ATP13A4: variants seen among roughly 807,000 people sequenced by gnomAD.
ATP13A4 encodes the protein probable cation-transporting ATPase 13A4.
A neutral mutation model predicts 142.5 loss-of-function variants in ATP13A4; 114 were observed. That is an observed-to-expected ratio of 0.80 (90% confidence interval 0.69 to 0.93). ATP13A4 has a LOEUF of 0.93. Ranked by LOEUF, ATP13A4 falls within the 40% of genes least tolerant of loss-of-function variation. ATP13A4 has a pLI of 0.00. For missense variants in ATP13A4, 1,392 were observed against 1,454.0 expected (o/e 0.96, Z 0.69); for synonymous variants, 488 against 514.8 (o/e 0.95, Z 0.70).
chr3:193,499,850 A>G (rs988729728), intron 3 of ATP13A4, among the ~76,000 whole-genome samples: 1 of 152,230 alleles, frequency 6.6e-6, no homozygotes, highest in Non-Finnish European at 1.5e-5. Context: ...AATAGACATG[A>G]AACATCTGTA....
At chr3:193,479,662 G>A (rs1363701798) in intron 8 of ATP13A4, among the ~76,000 whole-genome samples, 1 of 152,102 alleles carries the variant, frequency 6.6e-6, no homozygotes, top group Non-Finnish European at 1.5e-5. Flanking sequence ...TGGATGGGTA[G>A]AATCAATATT....
intron 3 of ATP13A4, 67 bp downstream of exon 3, chr3:193,502,426 A>T: frequency 6.5e-7 from 1 of 1,545,426 alleles, no homozygotes; most frequent in Non-Finnish European, 8.9e-7. Flanking sequence ...AGCTACATTT[A>T]ACTATATACT....
intron 1 of ATP13A4, among the ~76,000 whole-genome samples, chr3:193,532,630 G>A (rs961036525): frequency 6.6e-6 from 1 of 151,828 alleles, no homozygotes; most frequent in South Asian, 2.1e-4. Context: ...CTGGAAAGCA[G>A]TTCTGCCCAT....
At chr3:193,415,237 A>G (rs533666418) in intron 25 of ATP13A4, among the ~76,000 whole-genome samples, 70 of 152,348 alleles carry the variant, frequency 4.6e-4, no homozygotes, top group Non-Finnish European at 9.1e-4. Flanking sequence ...ACAATGGAAC[A>G]ACATGTAGTC....
intron 8 of ATP13A4, 93 bp downstream of exon 8, chr3:193,483,843 A>T: frequency 9.3e-7 from 1 of 1,075,186 alleles, no homozygotes; most frequent in Non-Finnish European, 1.4e-6. Flanking sequence ...ATGAATATGA[A>T]GATGGGAATA....
chr3:193,399,751 C>A lies in ATP13A4; in HGVS notation c.*2901G>T, dbSNP rs964439816. Reference sequence around the variant, plus strand: ...GTCCCAGCTACTTGGGAGGCTGAGGCAGGAGAATGGTGTGAATCCGGGAGG... The same window carrying A: ...GTCCCAGCTACTTGGGAGGCTGAGGAAGGAGAATGGTGTGAATCCGGGAGG... On this transcript the variant is annotated 3_prime_UTR_variant, in exon 30 of 30. Transcript: ENST00000342695. Among the ~76,000 whole-genome samples the A allele has an allele frequency of 7.0e-6, 1 of 142,498 alleles. No homozygotes were observed. Among genetic ancestry groups the A allele is most frequent in the African/African-American group, 2.6e-5 (1 of 38,194 alleles). 93.5% of individuals were successfully genotyped at this position (142,498 alleles called of 152,430 possible). A position where few individuals can be genotyped will look rare whatever the true frequency, so the allele number is the denominator to read the frequency against.
intron 25 of ATP13A4, among the ~76,000 whole-genome samples, chr3:193,417,774 A>C (rs2108607428): frequency 7.1e-6 from 1 of 139,940 alleles, no homozygotes. Context: ...TCACGAGGTC[A>C]GGAGATCGAG....
intron 18 of ATP13A4, among the ~76,000 whole-genome samples, chr3:193,445,125 T>C (rs1251338413): frequency 6.6e-6 from 1 of 152,088 alleles, no homozygotes; most frequent in Non-Finnish European, 1.5e-5. Context: ...CGGAGACAGA[T>C]GAAACCTGCT....
rs1714661814 is a variant in ATP13A4, at chr3:193,409,497, G to A, written c.3297+1485C>T. On this transcript the variant is annotated intron_variant, in intron 28 of 29. Coordinates refer to ENST00000342695, the MANE Select transcript of ATP13A4 (RefSeq NM_032279.4). ...TTATACCAGAGGACCCAGCCTTTCT[G>A]TAAGAATCTTCTTCTATTAAAAAGT... 1.3e-5 allele frequency among the ~76,000 whole-genome samples: 2 copies of A among 152,130 alleles called. 1 individual carries two copies. The highest frequency in any genetic ancestry group is 1.3e-4 in the Admixed American group (2 of 15,278).
Position 193,489,967 on chromosome 3 carries a change from C to T in ATP13A4, c.604-103G>A, listed in dbSNP as rs144600823. On this transcript the variant is annotated intron_variant, in intron 6 of 29. Coordinates refer to ENST00000342695, the MANE Select transcript of ATP13A4 (RefSeq NM_032279.4). ...ATCATCTTCATGACATACATCATCCCACACAATATTCTTATTATATTTATT... is the reference window on the plus strand; with the variant it reads ...ATCATCTTCATGACATACATCATCCTACACAATATTCTTATTATATTTATT... 157 of 1,257,260 alleles carry T rather than the reference C, an allele frequency of 1.2e-4. 2 individuals carry two copies. The highest frequency in any genetic ancestry group is 1.1e-3 in the African/African-American group (76 of 66,932). 77.9% of individuals were successfully genotyped at this position (1,257,260 alleles called of 1,614,324 possible). A position where few individuals can be genotyped will look rare whatever the true frequency, so the allele number is the denominator to read the frequency against.
intron 1 of ATP13A4, among the ~76,000 whole-genome samples, chr3:193,532,496 T>C (rs1722387563): frequency 6.6e-6 from 1 of 150,994 alleles, no homozygotes; most frequent in African/African-American, 2.4e-5. Context: ...AAAAACAAGA[T>C]TGCCATTTTT....
chr3:193,522,569 G>A (rs1721782413), intron 1 of ATP13A4, among the ~76,000 whole-genome samples: 1 of 152,182 alleles, frequency 6.6e-6, no homozygotes, highest in Non-Finnish European at 1.5e-5. Flanking sequence ...AAGGCTGCCT[G>A]TCATGAAGAC....
chr3:193,543,590 C>A, intron 1 of ATP13A4, among the ~76,000 whole-genome samples: 1 of 152,172 alleles, frequency 6.6e-6, no homozygotes, highest in East Asian at 1.9e-4. Context: ...TTAACACACA[C>A]TTTATCTGAT....
intron 2 of ATP13A4, among the ~76,000 whole-genome samples, chr3:193,568,052 C>T (rs958060142): frequency 3.9e-5 from 6 of 152,034 alleles, no homozygotes; most frequent in South Asian, 2.1e-4. Flanking sequence ...CTCCGTCTCC[C>T]GGGTTCAAGC....
At chr3:193,471,581 CAA>C (rs775659138) in intron 8 of ATP13A4, among the ~76,000 whole-genome samples, 37 of 135,686 alleles carry the variant, frequency 2.7e-4, no homozygotes, top group Non-Finnish European at 4.5e-4. Flanking sequence ...GATCCTGCCT[CAA>C]AAAAAAAAAA....
At chr3:193,460,292 G>T (rs995499542) in intron 13 of ATP13A4, among the ~76,000 whole-genome samples, 2 of 152,192 alleles carry the variant, frequency 1.3e-5, no homozygotes, top group East Asian at 1.9e-4. Context: ...ATTTGTCATT[G>T]TCTGATCCTG....
chr3:193,404,932 A>T (rs1714419239), intron 29 of ATP13A4, among the ~76,000 whole-genome samples: 1 of 152,170 alleles, frequency 6.6e-6, no homozygotes, highest in South Asian at 2.1e-4. Flanking sequence ...ACCTATATAA[A>T]CACATCAATA....
intron 6 of ATP13A4, among the ~76,000 whole-genome samples, chr3:193,490,140 T>A (rs558155357): frequency 1.4e-4 from 22 of 152,280 alleles, no homozygotes; most frequent in South Asian, 1.0e-3. Flanking sequence ...GAGAAATACG[T>A]CCAAAGTCAT....
In ATP13A4 at chr3:193,412,072, G is replaced by A. The variant is rs150517568; in HGVS notation, c.3208+106C>T. The A allele has an allele frequency of 1.2e-5, 12 of 996,458 alleles. No homozygotes were observed. The African/African-American group carries it at 1.4e-4, about 12-fold the overall frequency. The allele number at this position is 996,458 out of a possible 1,614,324, so 61.7% of individuals were successfully genotyped here. ...CAGAGTCCTAGAGTGGAAGTCAAGAGATGCTAGATAAGAATCAACTCTAAA... is the reference window on the plus strand; with the variant it reads ...CAGAGTCCTAGAGTGGAAGTCAAGAAATGCTAGATAAGAATCAACTCTAAA... On this transcript the variant is annotated intron_variant, in intron 27 of 29. Transcript: ENST00000342695.
Sources: allele counts gnomAD v4.1 joint callset (sites outside exome capture counted in the v4.1 genomes callset), GRCh38; gene constraint gnomAD v4.1.1; transcripts MANE v1.5; gene names NCBI Gene and HGNC (gene_info 2026-07-23, HGNC 2026-07-21).